Variants in STK3 observed in about 807,000 individuals in gnomAD.
STK3 encodes serine/threonine-protein kinase 3.
A neutral mutation model predicts 58.0 loss-of-function variants in STK3; 41 were observed. That is an observed-to-expected ratio of 0.71 (90% CI 0.55 to 0.92). The LOEUF (loss-of-function observed/expected upper bound fraction) is 0.92, where lower values mean the gene tolerates loss of function less well. Among genes scored for constraint, STK3 ranks in the 40% least tolerant of loss-of-function variants. STK3 has a pLI of 0.00. For synonymous variants in STK3, 170 were observed against 191.0 expected (o/e 0.89, Z 0.91); for missense variants, 479 against 602.7 (o/e 0.79, Z 2.15).
intron 1 of STK3, among the ~76,000 whole-genome samples, chr8:98,907,337 C>A (rs1393496762): frequency 2.0e-5 from 3 of 151,984 alleles, no homozygotes; most frequent in Non-Finnish European, 4.4e-5. Context: ...CATGGTGAAA[C>A]CCCGTCTTTA....
intron 8 of STK3, among the ~76,000 whole-genome samples, chr8:98,554,475 A>G (rs564357553): frequency 6.6e-6 from 1 of 152,286 alleles, no homozygotes; most frequent in Non-Finnish European, 1.5e-5. Context: ...CAAAGGGACA[A>G]TAAAGCCTGA....
intron 3 of STK3, among the ~76,000 whole-genome samples, chr8:98,848,252 CT>C (rs368641269): frequency 0.025 from 3,637 of 144,064 alleles, 60 homozygotes; most frequent in Middle Eastern, 0.094. Flanking sequence ...CTTTTTTTTT[CT>C]TTTTTTTTTT....
intron 3 of STK3, among the ~76,000 whole-genome samples, chr8:98,410,031 G>C (rs1818036969): frequency 6.6e-6 from 1 of 152,072 alleles, no homozygotes; most frequent in Admixed American, 6.5e-5. Flanking sequence ...TGTTTCCTAA[G>C]TTTTTCCACA....
intron 10 of STK3, among the ~76,000 whole-genome samples, chr8:98,490,664 T>C (rs1230566031): frequency 1.3e-5 from 2 of 152,180 alleles, no homozygotes; most frequent in African/African-American, 4.8e-5. Flanking sequence ...AAATAAATCA[T>C]TAAACGGATG....
upstream of STK3, among the ~76,000 whole-genome samples, chr8:98,826,138 C>T (rs1278740406): frequency 1.3e-5 from 2 of 152,164 alleles, no homozygotes; most frequent in Non-Finnish European, 2.9e-5. Context: ...CCCAGAGCTC[C>T]GCCCCTAGCC....
chr8:98,419,307 G>T (rs981492264), intron 3 of STK3, among the ~76,000 whole-genome samples: 1 of 152,050 alleles, frequency 6.6e-6, no homozygotes, highest in Non-Finnish European at 1.5e-5. Context: ...GTTGGAATGA[G>T]CTGAGAGCAC....
Position 98,825,530 on chromosome 8 carries a change from G to A in STK3, c.11C>T (p.Pro4Leu), listed in dbSNP as rs1356943297. 1.0e-5 allele frequency: 15 copies of A among 1,457,160 alleles called. No individual in the cohort carries two copies. Among genetic ancestry groups the A allele is most frequent in the East Asian group, 3.1e-5 (1 of 31,964 alleles). The allele number at this position is 1,457,160 out of a possible 1,614,324, so 90.3% of individuals were successfully genotyped here. Residue 4 changes from proline to leucine, a missense_variant, in exon 1 of 11, where the codon CCG (proline) becomes CTG (leucine). Pro to Leu is a moderately conservative substitution (Grantham distance 98, BLOSUM62 -3). Coordinates refer to ENST00000419617, the MANE Select transcript of STK3 (RefSeq NM_006281.4). Reference protein sequence around the residue: MEQPPAPKSKLKKL... With the variant: MEQLPAPKSKLKKL... Reference sequence around the variant, plus strand: ...GATTCGTTACCTCTTAGGCGCCGGCGGCTGCTCCATGGCGGCCGGGGACAG... The same window carrying A: ...GATTCGTTACCTCTTAGGCGCCGGCAGCTGCTCCATGGCGGCCGGGGACAG...
At chr8:98,823,281 C>T (rs1342601765) in intron 1 of STK3, among the ~76,000 whole-genome samples, 3 of 152,066 alleles carry the variant, frequency 2.0e-5, no homozygotes, top group African/African-American at 7.2e-5. Flanking sequence ...TCAACGACAT[C>T]GATAAGGCCA....
At chr8:98,754,762 A>T (rs866963296) in intron 3 of STK3, among the ~76,000 whole-genome samples, 5 of 152,194 alleles carry the variant, frequency 3.3e-5, no homozygotes, top group Middle Eastern at 3.4e-3. Flanking sequence ...TGCCTGCCTC[A>T]GCTTCCAAAA....
intron 1 of STK3, among the ~76,000 whole-genome samples, chr8:98,442,610 G>A (rs191307583): frequency 2.2e-4 from 33 of 152,210 alleles, no homozygotes; most frequent in African/African-American, 6.5e-4. Context: ...TGTTAAACTC[G>A]TTCCTCAGTG....
At chr8:98,377,717 G>T (rs1257409486) in intron 2 of STK3, among the ~76,000 whole-genome samples, 3 of 152,056 alleles carry the variant, frequency 2.0e-5, no homozygotes, top group African/African-American at 7.2e-5. Context: ...GCCATCCTGA[G>T]AGCTGCTTCT....
chr8:98,447,639 T>TA (rs1819012397), intron 1 of STK3, among the ~76,000 whole-genome samples: 1 of 125,920 alleles, frequency 7.9e-6, no homozygotes, highest in Non-Finnish European at 1.7e-5. Context: ...ATTGCAATAC[T>TA]ATATATAGTA....
At chr8:98,816,458 C>T (rs555657878) in intron 1 of STK3, among the ~76,000 whole-genome samples, 2 of 150,100 alleles carry the variant, frequency 1.3e-5, no homozygotes, top group African/African-American at 4.9e-5. Context: ...CTGTAGTGAG[C>T]TGAGATTGCA....
At chr8:98,402,937 C>T (rs146729502) in intron 3 of STK3, among the ~76,000 whole-genome samples, 9 of 152,328 alleles carry the variant, frequency 5.9e-5, no homozygotes, top group Admixed American at 2.0e-4. Flanking sequence ...ATGGGGACAC[C>T]GCAGCCCCAG....
At chr8:98,552,381 C>G (rs1336310690) in intron 8 of STK3, among the ~76,000 whole-genome samples, 1 of 152,092 alleles carries the variant, frequency 6.6e-6, no homozygotes, top group Admixed American at 6.6e-5. Context: ...GATCCAAAAC[C>G]TTTATCATGT....
intron 6 of STK3, among the ~76,000 whole-genome samples, chr8:98,702,653 A>G (rs1825706075): frequency 6.6e-6 from 1 of 152,218 alleles, no homozygotes; most frequent in African/African-American, 2.4e-5. Flanking sequence ...CACTCAGTCT[A>G]CAAGGCAGCA....
intron 6 of STK3, among the ~76,000 whole-genome samples, chr8:98,604,402 G>C (rs530269001): frequency 6.6e-6 from 1 of 152,208 alleles, no homozygotes; most frequent in African/African-American, 2.4e-5. Flanking sequence ...TCATGGGCTG[G>C]CATTGGGTGC....
chr8:98,452,332 G>A (rs555158570), downstream of STK3, among the ~76,000 whole-genome samples: 3 of 152,258 alleles, frequency 2.0e-5, no homozygotes, highest in South Asian at 4.1e-4. Context: ...TAAGTGCCCC[G>A]AATAACAGGT....
intron 4 of STK3, among the ~76,000 whole-genome samples, chr8:98,740,581 GCTC>G (rs1388303455): frequency 2.0e-5 from 3 of 152,128 alleles, no homozygotes; most frequent in Non-Finnish European, 4.4e-5. Flanking sequence ...CCCTAAAAGA[GCTC>G]CTGAAGGAAG....
Sources: allele counts gnomAD v4.1 joint callset (sites outside exome capture counted in the v4.1 genomes callset), GRCh38; gene constraint gnomAD v4.1.1; transcripts MANE v1.5; gene names NCBI Gene and HGNC (gene_info 2026-07-23, HGNC 2026-07-21).